The following NFIA variants were observed in gnomAD, a reference collection of about 807,000 sequenced individuals.
NFIA encodes the protein nuclear factor 1 A-type.
NFIA carries 8 observed loss-of-function variants against 62.8 expected under a neutral mutation model. The observed-to-expected ratio is 0.13, with a 90% CI of 0.07 to 0.23. The LOEUF is 0.23. Among genes scored for constraint, NFIA ranks in the 10% least tolerant of loss-of-function variants. NFIA has a pLI of 1.00. For missense variants in NFIA, 410 were observed against 642.1 expected (o/e 0.64, Z 3.91); for synonymous variants, 235 against 238.1 (o/e 0.99, Z 0.12).
upstream of NFIA, among the ~76,000 whole-genome samples, chr1:61,081,269 C>T (rs1370173601): frequency 6.6e-6 from 1 of 150,426 alleles, no homozygotes; most frequent in Non-Finnish European, 1.5e-5. Flanking sequence ...AAAAAAAAAA[C>T]TGGAAAAGCA....
Position 61,462,637 on chromosome 1 carries a change from C to T in NFIA, c.*7317C>T, listed in dbSNP as rs1388510805. The stretch of plus-strand genomic sequence containing the variant: ...GGCGTCCATTCTTATTCAACTAAAT[C>T]TCCACAGGTTTTTTGAGCTGGTGTG... On this transcript the variant is annotated 3_prime_UTR_variant, in exon 11 of 11. Coordinates refer to ENST00000403491, the MANE Select transcript of NFIA (RefSeq NM_001134673.4). The T allele has an allele frequency of 6.6e-6, 1 of 152,218 alleles. No individual in the cohort carries two copies. The highest frequency in any genetic ancestry group is 1.5e-5 in the Non-Finnish European group (1 of 68,048). 9.4% of individuals were successfully genotyped at this position (152,218 alleles called of 1,614,324 possible).
intron 2 of NFIA, among the ~76,000 whole-genome samples, chr1:61,092,845 G>T (rs1026889253): frequency 6.6e-6 from 1 of 152,160 alleles, no homozygotes; most frequent in Non-Finnish European, 1.5e-5. Flanking sequence ...CTTCAGAGCA[G>T]GTGTAAGATT....
intron 2 of NFIA, among the ~76,000 whole-genome samples, chr1:61,102,638 A>G (rs1041764650): frequency 3.9e-5 from 6 of 152,132 alleles, no homozygotes; most frequent in African/African-American, 1.4e-4. Flanking sequence ...GCCTTCAATA[A>G]TACTATATAT....
At chr1:61,282,970 G>A (rs1421016136) in intron 3 of NFIA, among the ~76,000 whole-genome samples, 1 of 152,152 alleles carries the variant, frequency 6.6e-6, no homozygotes, top group Non-Finnish European at 1.5e-5. Context: ...ATGGGTCTTT[G>A]CAATCAGTGG....
chr1:61,214,978 T>C (rs904843163), intron 2 of NFIA, among the ~76,000 whole-genome samples: 9 of 152,156 alleles, frequency 5.9e-5, no homozygotes, highest in African/African-American at 2.2e-4. Context: ...CTCTTCCCAC[T>C]TCCCTAATGC....
intron 10 of NFIA, 60 bp downstream of exon 10, chr1:61,426,616 T>A: frequency 8.0e-7 from 1 of 1,244,394 alleles, no homozygotes; most frequent in Non-Finnish European, 1.1e-6. Flanking sequence ...CAGGTGCATT[T>A]TAACTTGTCT....
chr1:61,184,154 A>G (rs1438875510), intron 2 of NFIA, among the ~76,000 whole-genome samples: 2 of 150,444 alleles, frequency 1.3e-5, no homozygotes, highest in African/African-American at 2.5e-5. Flanking sequence ...CCAAAAAAAC[A>G]AAACAAAACA....
chr1:61,155,935 G>A (rs1219628819), intron 2 of NFIA, among the ~76,000 whole-genome samples: 4 of 152,226 alleles, frequency 2.6e-5, no homozygotes, highest in Admixed American at 2.0e-4. Context: ...TCAGGAGTTC[G>A]AGACCAGCCT....
intron 5 of NFIA, among the ~76,000 whole-genome samples, chr1:61,353,200 G>A (rs141381884): frequency 6.6e-6 from 1 of 152,138 alleles, no homozygotes; most frequent in African/African-American, 2.4e-5. Flanking sequence ...TGATATCCTG[G>A]TGTGAGGTTA....
At chr1:61,092,868 G>T (rs997224235) in intron 2 of NFIA, among the ~76,000 whole-genome samples, 3 of 152,164 alleles carry the variant, frequency 2.0e-5, no homozygotes, top group Non-Finnish European at 4.4e-5. Context: ...GAGTGTCTGT[G>T]TAGGGGCGTG....
rs774320938 is a variant in NFIA, at chr1:61,406,554, C to CG, written c.1255-8_1255-7insG. 95 of 1,380,722 alleles carry CG rather than the reference C, an allele frequency of 6.9e-5. 2 individuals are homozygous for CG. The East Asian group carries it at 2.0e-3, about 29-fold the overall frequency. 85.5% of individuals were successfully genotyped at this position (1,380,722 alleles called of 1,614,324 possible). On this transcript the variant is annotated splice_polypyrimidine_tract_variant and splice_region_variant and intron_variant, in intron 8 of 10. Coordinates refer to ENST00000403491, the MANE Select transcript of NFIA (RefSeq NM_001134673.4). ...TACGTGTGTTTTCTGCCCCCCCCCC[C>CG]CCCACAGCCCAATGGGAGCAGCCAA...
At chr1:61,116,218 G>A (rs1646791180) in intron 2 of NFIA, among the ~76,000 whole-genome samples, 1 of 152,074 alleles carries the variant, frequency 6.6e-6, no homozygotes, top group East Asian at 1.9e-4. Context: ...ATTGTCTTAG[G>A]AATTTGAGGA....
At chr1:61,404,557 G>A (rs1458482092) in intron 8 of NFIA, among the ~76,000 whole-genome samples, 1 of 152,128 alleles carries the variant, frequency 6.6e-6, no homozygotes, top group African/African-American at 2.4e-5. Context: ...AAGTTCTGTG[G>A]GCTGATCATT....
At chr1:61,356,086 G>GGCTA (rs1662937528) in intron 5 of NFIA, among the ~76,000 whole-genome samples, 1 of 152,128 alleles carries the variant, frequency 6.6e-6, no homozygotes, top group Admixed American at 6.6e-5. Context: ...TGGCCTTTGG[G>GGCTA]GCTAGATCTA....
Position 61,277,527 on chromosome 1 carries a change from T to A in NFIA, c.567T>A (p.Ser189Arg). 1.2e-6 allele frequency: 2 copies of A among 1,613,798 alleles called. No homozygotes were observed. Among genetic ancestry groups the A allele is most frequent in the Non-Finnish European group, 1.7e-6 (2 of 1,179,788 alleles). The change falls in exon 3 of 11, where the codon AGT becomes AGA. Residue 189 changes from serine (S) to arginine (R), a missense_variant. Transcript: ENST00000403491. Reference protein sequence around the residue: ...LAYFVHAADSSQSESPSQPSD... With the variant: ...LAYFVHAADSRQSESPSQPSD... ...TATTTTTATGTTTTTCAGATTCAAG[T>A]CAATCTGAAAGTCCCAGCCAGCCAA...
intron 2 of NFIA, among the ~76,000 whole-genome samples, chr1:61,205,092 A>G (rs932651698): frequency 2.6e-5 from 4 of 152,242 alleles, no homozygotes; most frequent in African/African-American, 7.2e-5. Context: ...TGGCTATCCT[A>G]TAAGGTAATA....
intron 2 of NFIA, among the ~76,000 whole-genome samples, chr1:61,267,919 CGAAT>C (rs1357233895): frequency 6.6e-6 from 1 of 151,956 alleles, no homozygotes; most frequent in East Asian, 1.9e-4. Flanking sequence ...AGATGCCAAG[CGAAT>C]GAATGAATGA....
intron 10 of NFIA, among the ~76,000 whole-genome samples, 161 bp downstream of exon 10, chr1:61,426,717 C>G (rs1352921674): frequency 6.6e-6 from 1 of 152,144 alleles, no homozygotes; most frequent in Non-Finnish European, 1.5e-5. Context: ...TCTCAGAAAT[C>G]ACAGAAAATT....
chr1:61,358,025 G>GA (rs1325873154), intron 5 of NFIA, among the ~76,000 whole-genome samples: 4 of 146,494 alleles, frequency 2.7e-5, no homozygotes, highest in Non-Finnish European at 1.5e-5. Context: ...CCTTCAACTG[G>GA]AAAAAATGAG....
Sources: gnomAD v4.1 joint callset for allele counts (sites outside exome capture counted in the v4.1 genomes callset) on GRCh38, gnomAD v4.1.1 for gene constraint, MANE v1.5 for transcripts, NCBI Gene and HGNC (gene_info 2026-07-23, HGNC 2026-07-21) for gene names.